The following IPO11 variants were observed in gnomAD, a reference collection of about 807,000 sequenced individuals.
IPO11 encodes importin 11.
In IPO11, 66 loss-of-function variants were observed where a neutral mutation model predicts 143.2. The ratio of observed to expected loss-of-function variants is 0.46; its 90% CI spans 0.38 to 0.57. The LOEUF (loss-of-function observed/expected upper bound fraction) is 0.57. Ranked by LOEUF, IPO11 falls within the 20% of genes least tolerant of loss-of-function variation. IPO11 has a pLI of 0.00. For missense variants in IPO11, 1,026 were observed against 1,141.0 expected, an observed-to-expected ratio of 0.90 and a Z score of 1.45; for synonymous variants, 385 against 377.8, an observed-to-expected ratio of 1.02 and a Z score of -0.22.
intron 16 of IPO11, among the ~76,000 whole-genome samples, chr5:62,494,920 C>G (rs1019045593): frequency 2.0e-5 from 3 of 152,010 alleles, no homozygotes; most frequent in Non-Finnish European, 4.4e-5. Context: ...CTTTACCCCC[C>G]CAAATTTTAT....
At chr5:62,560,538 A>G (rs1743736090) in intron 26 of IPO11, among the ~76,000 whole-genome samples, 1 of 152,260 alleles carries the variant, frequency 6.6e-6, no homozygotes, top group Non-Finnish European at 1.5e-5. Flanking sequence ...CATCTAGCCT[A>G]GTGTTTGACC....
chr5:62,536,124 ACT>A (rs1303606565), intron 22 of IPO11, among the ~76,000 whole-genome samples: 2 of 152,120 alleles, frequency 1.3e-5, no homozygotes, highest in East Asian at 1.9e-4. Context: ...TGTGATCAGG[ACT>A]CTGTTGAGAA....
chr5:62,550,545 GCTTTT>G, intron 25 of IPO11, 83 bp downstream of exon 25: 1 of 882,968 alleles, frequency 1.1e-6, no homozygotes, highest in Non-Finnish European at 1.7e-6. Context: ...CAGAAGGAAA[GCTTTT>G]CTTGTCATTT....
chr5:62,540,034 C>A (rs781364416), intron 24 of IPO11, among the ~76,000 whole-genome samples: 1 of 152,236 alleles, frequency 6.6e-6, no homozygotes, highest in Non-Finnish European at 1.5e-5. Context: ...CCTGTTTTAA[C>A]CTTTCTCCTC....
chr5:62,443,956 A>G (rs1448592156), intron 3 of IPO11, among the ~76,000 whole-genome samples: 3 of 152,184 alleles, frequency 2.0e-5, no homozygotes, highest in Non-Finnish European at 4.4e-5. Flanking sequence ...AAATTCTTAA[A>G]AGCCGTAAGA....
At chr5:62,597,702 T>C (rs573106158) in intron 28 of IPO11, among the ~76,000 whole-genome samples, 92 of 152,348 alleles carry the variant, frequency 6.0e-4, no homozygotes, top group African/African-American at 2.2e-3. Context: ...TTAGGCTAAA[T>C]GTAATTTAAC....
At chr5:62,580,293 T>C (rs963920439) in intron 27 of IPO11, 16 of 1,538,122 alleles carry the variant, frequency 1.0e-5, no homozygotes, top group Non-Finnish European at 1.4e-5. Context: ...TCTTAAGTCA[T>C]AATGATTTAG....
chr5:62,429,587 CGTGTGTGTGTGTGTGTGTGTGTGT>C (rs56185914), intron 1 of IPO11, among the ~76,000 whole-genome samples: 123 of 128,582 alleles, frequency 9.6e-4, no homozygotes, highest in African/African-American at 3.3e-3. Flanking sequence ...GTCTGATTTT[CGTGTGTGTGTGTGTGTGTGTGTGT>C]GTGTGTGTGT....
At chr5:62,419,182 C>A in intron 1 of IPO11, 1 of 1,526,850 alleles carries the variant, frequency 6.5e-7, no homozygotes, top group Non-Finnish European at 8.8e-7. Context: ...TGTAAAAATA[C>A]AGTGTAGAAG....
Position 62,433,807 on chromosome 5 carries a change from A to G in IPO11, c.-6-3467A>G, listed in dbSNP as rs562128712. On this transcript the variant is annotated intron_variant, in intron 1 of 29. Transcript: ENST00000325324. The stretch of plus-strand genomic sequence containing the variant: ...TGTGTGCATTTATGTTCTCTGCACA[A>G]TCTTTGCTCTAGGGGAAAATTGCTT... 3.9e-5 allele frequency among the ~76,000 whole-genome samples: 6 copies of G among 152,182 alleles called. 1 individual carries two copies. The highest frequency in any genetic ancestry group is 2.1e-4 in the South Asian group (1 of 4,818).
chr5:62,550,235 A>G lies in IPO11; in HGVS notation c.2251-132A>G, dbSNP rs1440871861. On this transcript the variant is annotated intron_variant, in intron 24 of 29. Coordinates refer to ENST00000325324, the MANE Select transcript of IPO11 (RefSeq NM_016338.5). ...AGTGTGTCTAGTGTCAGAATATTGC[A>G]TACCCTGCATACGTGTATGCATTCT... 5.2e-6 allele frequency: 3 copies of G among 581,744 alleles called. No homozygotes were observed. In the East Asian group the frequency reaches 8.3e-5, roughly 16 times the overall value. 36.0% of individuals were successfully genotyped at this position (581,744 alleles called of 1,614,324 possible). A position where few individuals can be genotyped will look rare whatever the true frequency, so the allele number is the denominator to read the frequency against.
intron 1 of IPO11, among the ~76,000 whole-genome samples, chr5:62,431,729 G>C (rs1474198936): frequency 1.3e-5 from 2 of 151,980 alleles, no homozygotes; most frequent in Non-Finnish European, 2.9e-5. Flanking sequence ...ATTACTTGAG[G>C]CCAGGAGTTT....
At chr5:62,596,205 G>C (rs910983174) in intron 28 of IPO11, among the ~76,000 whole-genome samples, 3 of 145,580 alleles carry the variant, frequency 2.1e-5, no homozygotes, top group African/African-American at 7.7e-5. Flanking sequence ...AGACATCGAG[G>C]CTGCAGTGAG....
Position 62,476,716 on chromosome 5 carries a change from A to G in IPO11, c.791A>G (p.Asp264Gly), listed in dbSNP as rs778994155. Reference sequence around the variant, plus strand: ...ATAGGTACAGATAATGTGTGTAGAGATAGACTGGAAAAGACCATCATTCTT... The same window carrying G: ...ATAGGTACAGATAATGTGTGTAGAGGTAGACTGGAAAAGACCATCATTCTT... ...RSIGTDNVCR[D>G]RLEKTIILFT... The change falls in exon 9 of 30, where the codon GAT becomes GGT. Residue 264 changes from aspartate (D) to glycine (G), a missense_variant. By Grantham distance (94) the Asp-to-Gly change is moderately conservative (BLOSUM62 -1). This residue lies in a region of IPO11 where 429 missense variants were observed against 456.3 expected (regional missense o/e 0.94). Coordinates refer to ENST00000325324, the MANE Select transcript of IPO11 (RefSeq NM_016338.5). 2.6e-6 allele frequency: 4 copies of G among 1,518,262 alleles called. No homozygotes were observed. The highest frequency in any genetic ancestry group is 3.5e-6 in the Non-Finnish European group (4 of 1,131,636). The allele number at this position is 1,518,262 out of a possible 1,614,324, so 94.0% of individuals were successfully genotyped here. A position where few individuals can be genotyped will look rare whatever the true frequency, so the allele number is the denominator to read the frequency against.
chr5:62,550,444 G>C lies in IPO11; in HGVS notation c.2328G>C (p.Lys776Asn), dbSNP rs777960523. The C allele has an allele frequency of 1.2e-6, 2 of 1,610,988 alleles. No individual in the cohort carries two copies. The highest frequency in any genetic ancestry group is 1.1e-5 in the South Asian group (1 of 90,690). ...AACCGATTTTACCCTATGTTTTCAA[G>C]GGTATTATAGAAGGGGAGGTAAGAT... ...MFQPILPYVFKGIIEGERYPV... is the reference protein window; with the variant it reads ...MFQPILPYVFNGIIEGERYPV... Residue 776 changes from lysine to asparagine, a missense_variant, in exon 25 of 30, where the codon AAG becomes AAC. Lys to Asn is a moderately conservative substitution (Grantham distance 94). Transcript: ENST00000325324.
At chr5:62,442,751 C>T (rs1355589565) in intron 2 of IPO11, among the ~76,000 whole-genome samples, 1 of 152,056 alleles carries the variant, frequency 6.6e-6, no homozygotes, top group Non-Finnish European at 1.5e-5. Flanking sequence ...GTAACCCCAG[C>T]TACTTGGGAG....
Position 62,469,763 on chromosome 5 carries a change from A to T in IPO11, c.650-487A>T, listed in dbSNP as rs1249491275. 2.0e-5 allele frequency among the ~76,000 whole-genome samples: 3 copies of T among 152,182 alleles called. No homozygotes were observed. In the South Asian group the frequency reaches 6.2e-4, roughly 31 times the overall value. ...ATCTCTCTGTGTACACTAGTTTGTC[A>T]GTGTTACTCATGAAATGTCACAGTT... On this transcript the variant is annotated intron_variant, in intron 6 of 29. Transcript: ENST00000325324.
At chr5:62,491,077 T>C (rs1358743661) in intron 15 of IPO11, among the ~76,000 whole-genome samples, 1 of 152,232 alleles carries the variant, frequency 6.6e-6, no homozygotes, top group Non-Finnish European at 1.5e-5. Context: ...GGGGCTTTTT[T>C]CTTAATTTGA....
At chr5:62,496,651 G>A (rs927026229) in intron 16 of IPO11, among the ~76,000 whole-genome samples, 3 of 152,060 alleles carry the variant, frequency 2.0e-5, no homozygotes, top group Non-Finnish European at 4.4e-5. Flanking sequence ...TCTTATACAT[G>A]CATACCTATA....
Sources: gnomAD v4.1 joint callset for allele counts (sites outside exome capture counted in the v4.1 genomes callset) on GRCh38, gnomAD v4.1.1 for gene constraint, gnomAD v4.1.1 regional missense constraint, MANE v1.5 for transcripts, NCBI Gene and HGNC (gene_info 2026-07-23, HGNC 2026-07-21) for gene names.